The following GRIK3 variants were observed in gnomAD, a reference collection of about 807,000 sequenced individuals.
The protein encoded by GRIK3 is glutamate receptor ionotropic, kainate 3.
GRIK3 carries 29 observed loss-of-function variants against 102.5 expected under a neutral mutation model. The observed-to-expected ratio is 0.28, with a 90% confidence interval of 0.21 to 0.39. GRIK3 has a LOEUF of 0.39. Ranked by LOEUF, GRIK3 falls within the 10% of genes least tolerant of loss-of-function variation. The pLI, the probability that GRIK3 is intolerant of heterozygous loss-of-function variation, is 1.00. For missense variants in GRIK3, 908 were observed against 1,252.4 expected, an observed-to-expected ratio of 0.73 and a Z score of 4.15; for synonymous variants, 511 against 504.9, an observed-to-expected ratio of 1.01 and a Z score of -0.16.
intron 1 of GRIK3, among the ~76,000 whole-genome samples, chr1:36,988,286 G>A (rs1642327687): frequency 6.6e-6 from 1 of 152,224 alleles, no homozygotes; most frequent in South Asian, 2.1e-4. Flanking sequence ...GCCAGACTCT[G>A]TCTCAAAGAA....
At chr1:36,926,231 C>T (rs918763831) in intron 1 of GRIK3, among the ~76,000 whole-genome samples, 2 of 152,174 alleles carry the variant, frequency 1.3e-5, no homozygotes, top group African/African-American at 4.8e-5. Flanking sequence ...TTAGGCACTC[C>T]CTGAGCAGTG....
chr1:37,011,323 A>C (rs1214228869), intron 1 of GRIK3, among the ~76,000 whole-genome samples: 11 of 152,224 alleles, frequency 7.2e-5, no homozygotes, highest in African/African-American at 2.7e-4. Flanking sequence ...ACAAGCCCTG[A>C]GCTCTATGTA....
intron 13 of GRIK3, among the ~76,000 whole-genome samples, chr1:36,811,990 A>G (rs1164981585): frequency 1.3e-5 from 2 of 152,168 alleles, no homozygotes; most frequent in African/African-American, 4.8e-5. Context: ...TAACTTGATG[A>G]CGACAGGCGG....
At chr1:36,877,447 T>A (rs183225434) in intron 3 of GRIK3, among the ~76,000 whole-genome samples, 1 of 152,236 alleles carries the variant, frequency 6.6e-6, no homozygotes, top group East Asian at 1.9e-4. Flanking sequence ...CTTCCAACCC[T>A]CCCTGTGCAT....
chr1:37,025,317 A>G (rs571026625), intron 1 of GRIK3, among the ~76,000 whole-genome samples: 12 of 152,288 alleles, frequency 7.9e-5, no homozygotes, highest in African/African-American at 2.9e-4. Context: ...GAGCGGCATC[A>G]TCATGATCTG....
At position 36,889,356 on chromosome 1, in the gene GRIK3, C is replaced by A. The variant is rs188155032; in HGVS notation, c.292+1564G>T. On this transcript the variant is annotated intron_variant, in intron 2 of 15. Transcript: ENST00000373091. The stretch of plus-strand genomic sequence containing the variant: ...CAGAGGTGGGAGGAAGCATGGCACC[C>A]TGAGGAGGGCAGGTTTGGCTAGAAC... Among the ~76,000 whole-genome samples, 128 of 151,776 alleles carry A rather than the reference C, an allele frequency of 8.4e-4. 1 individual carries two copies. Among genetic ancestry groups the A allele is most frequent in the African/African-American group, 3.1e-3 (128 of 41,362 alleles).
intron 1 of GRIK3, among the ~76,000 whole-genome samples, chr1:36,990,348 C>T (rs565005820): frequency 3.3e-5 from 5 of 152,288 alleles, no homozygotes; most frequent in East Asian, 1.9e-4. Context: ...ACTCCTGGGC[C>T]GCCATCTGGG....
intron 1 of GRIK3, among the ~76,000 whole-genome samples, chr1:37,002,958 C>A (rs756204299): frequency 6.6e-6 from 1 of 151,694 alleles, no homozygotes; most frequent in Non-Finnish European, 1.5e-5. Flanking sequence ...TTTCTTACAG[C>A]CTTTCACATA....
intron 1 of GRIK3, among the ~76,000 whole-genome samples, chr1:37,019,648 C>T (rs1387136631): frequency 1.3e-5 from 2 of 152,224 alleles, no homozygotes; most frequent in African/African-American, 4.8e-5. Flanking sequence ...CCTATGTACT[C>T]TGCAGTACAC....
At chr1:36,976,679 C>A (rs984451796) in intron 1 of GRIK3, among the ~76,000 whole-genome samples, 2 of 152,166 alleles carry the variant, frequency 1.3e-5, no homozygotes, top group South Asian at 2.1e-4. Flanking sequence ...CTGATCTTTA[C>A]CCCCTCCCCA....
At chr1:36,903,519 T>A (rs570747167) in intron 1 of GRIK3, among the ~76,000 whole-genome samples, 2 of 152,366 alleles carry the variant, frequency 1.3e-5, no homozygotes, top group South Asian at 4.1e-4. Context: ...TGCACATGGA[T>A]GTGTATAGCA....
intron 1 of GRIK3, among the ~76,000 whole-genome samples, chr1:36,978,198 A>G (rs1312116402): frequency 6.6e-6 from 1 of 152,278 alleles, no homozygotes; most frequent in African/African-American, 2.4e-5. Flanking sequence ...TTCATTTGTG[A>G]ATGCTTAGCA....
chr1:36,925,644 A>G (rs1295776400), intron 1 of GRIK3, among the ~76,000 whole-genome samples: 1 of 152,244 alleles, frequency 6.6e-6, no homozygotes, highest in Non-Finnish European at 1.5e-5. Context: ...TAGTGCAGCC[A>G]GTGTGGCCAC....
chr1:36,974,995 G>T (rs528264524), intron 1 of GRIK3, among the ~76,000 whole-genome samples: 19 of 152,246 alleles, frequency 1.2e-4, no homozygotes, highest in African/African-American at 4.6e-4. Context: ...GGGCTGGGAG[G>T]AGGGGTAATG....
intron 1 of GRIK3, among the ~76,000 whole-genome samples, chr1:36,999,873 T>A (rs893348870): frequency 6.6e-6 from 1 of 152,194 alleles, no homozygotes; most frequent in Non-Finnish European, 1.5e-5. Context: ...GGTGGGCACC[T>A]GTAATCCCAG....
At chr1:36,830,092 T>A (rs1640235438) in intron 10 of GRIK3, among the ~76,000 whole-genome samples, 1 of 152,196 alleles carries the variant, frequency 6.6e-6, no homozygotes, top group Admixed American at 6.5e-5. Flanking sequence ...GTTCTCCACC[T>A]CTTAGTTGGG....
chr1:36,832,884 C>T (rs1423431762), intron 10 of GRIK3, among the ~76,000 whole-genome samples: 7 of 152,212 alleles, frequency 4.6e-5, no homozygotes, highest in African/African-American at 1.2e-4. Context: ...CACAGCCCAA[C>T]GGAGCGGAAG....
intron 1 of GRIK3, among the ~76,000 whole-genome samples, chr1:36,995,006 C>T (rs556543529): frequency 1.3e-4 from 20 of 152,232 alleles, no homozygotes; most frequent in African/African-American, 3.9e-4. Context: ...GACGGACAGA[C>T]GCTGCCGGTG....
intron 1 of GRIK3, among the ~76,000 whole-genome samples, chr1:36,974,570 G>A (rs193281263): frequency 8.4e-4 from 128 of 151,994 alleles, no homozygotes; most frequent in African/African-American, 2.8e-3. Context: ...AGGCTGAGGC[G>A]GGTGGATCAC....
Sources: allele counts gnomAD v4.1 joint callset (sites outside exome capture counted in the v4.1 genomes callset), GRCh38; gene constraint gnomAD v4.1.1; transcripts MANE v1.5; gene names NCBI Gene and HGNC (gene_info 2026-07-23, HGNC 2026-07-21).